Variants in ALK observed in about 807,000 individuals in gnomAD.
ALK encodes the protein ALK tyrosine kinase receptor.
ALK carries 74 observed loss-of-function variants against 163.1 expected under a neutral mutation model. The observed-to-expected ratio is 0.45, with a 90% CI of 0.38 to 0.55. ALK has a LOEUF of 0.55. Ranked by LOEUF, ALK falls within the 20% of genes least tolerant of loss-of-function variation. The pLI is 0.00. For missense variants in ALK, 2,063 were observed against 2,105.3 expected (o/e 0.98, Z 0.39); for synonymous variants, 960 against 843.2 (o/e 1.14, Z -2.40).
chr2:29,293,334 G>T (rs564066234), intron 9 of ALK, among the ~76,000 whole-genome samples: 21 of 152,104 alleles, frequency 1.4e-4, no homozygotes, highest in Non-Finnish European at 3.1e-4. Flanking sequence ...ATATTTATTG[G>T]GCATACTACA....
chr2:29,194,067 G>T, intron 28 of ALK, 145 bp from the exon 29 acceptor site: 1 of 791,904 alleles, frequency 1.3e-6, no homozygotes, highest in Non-Finnish European at 2.1e-6. Context: ...TACAGGCACT[G>T]GGGCATACAA....
At chr2:29,657,829 C>A (rs916933025) in intron 3 of ALK, among the ~76,000 whole-genome samples, 1 of 152,084 alleles carries the variant, frequency 6.6e-6, no homozygotes, top group African/African-American at 2.4e-5. Flanking sequence ...ACAAAGGAAG[C>A]ATTCAGCCCC....
At chr2:29,689,401 C>T (rs1678330401) in intron 3 of ALK, among the ~76,000 whole-genome samples, 1 of 152,198 alleles carries the variant, frequency 6.6e-6, no homozygotes, top group Non-Finnish European at 1.5e-5. Flanking sequence ...AAAGGTGACT[C>T]AGGTCCCTGC....
chr2:29,253,982 C>T (rs888536336), intron 11 of ALK, among the ~76,000 whole-genome samples: 19 of 152,122 alleles, frequency 1.2e-4, no homozygotes, highest in Non-Finnish European at 2.5e-4. Context: ...TGGGAGGGAC[C>T]AGATGGAGAT....
At chr2:29,206,286 CCCTCTCTCTCCCCCTCTCTT>C in intron 26 of ALK, among the ~76,000 whole-genome samples, 1 of 150,336 alleles carries the variant, frequency 6.7e-6, no homozygotes. Context: ...TTCCCTCCCT[CCCTCTCTCTCCCCCTCTCTT>C]GCTTGCCCAG....
At chr2:29,811,234 TCC>T (rs35113318) in intron 1 of ALK, among the ~76,000 whole-genome samples, 105,406 of 151,406 alleles carry the variant, frequency 0.7, 36,895 homozygotes, top group South Asian at 0.78. Flanking sequence ...ACATTCTGAC[TCC>T]CCCCCTTTGA....
At chr2:29,201,642 C>T (rs923105695) in intron 26 of ALK, among the ~76,000 whole-genome samples, 3 of 152,070 alleles carry the variant, frequency 2.0e-5, no homozygotes, top group Non-Finnish European at 4.4e-5. Context: ...CAAAAATTAG[C>T]TGGGTGTGGT....
At chr2:29,609,089 A>G (rs1371747301) in intron 3 of ALK, among the ~76,000 whole-genome samples, 7 of 151,930 alleles carry the variant, frequency 4.6e-5, no homozygotes, top group Admixed American at 3.9e-4. Flanking sequence ...ATGCCTGGCT[A>G]AGTTTTGTAT....
In ALK at chr2:29,232,565, C is replaced by A. The variant is rs139542513; in HGVS notation, c.2488-117G>T. On this transcript the variant is annotated intron_variant, in intron 14 of 28. Coordinates refer to ENST00000389048, the MANE Select transcript of ALK (RefSeq NM_004304.5). ...TTGCTGTTTTGGGGTGACCTGGTGA[C>A]CTCTCAGTGGTCTGAGGTGGTTTGC... 6 of 1,404,400 alleles carry A rather than the reference C, an allele frequency of 4.3e-6. 1 individual carries two copies. The highest frequency in any genetic ancestry group is 5.9e-6 in the Non-Finnish European group (6 of 1,017,630). 87.0% of individuals were successfully genotyped at this position (1,404,400 alleles called of 1,614,324 possible). A position where few individuals can be genotyped will look rare whatever the true frequency, so the allele number is the denominator to read the frequency against.
rs772615782 is a variant in ALK, at chr2:29,320,772, C to G, written c.1525G>C (p.Ala509Pro). The G allele has an allele frequency of 1.9e-6, 3 of 1,613,990 alleles. No homozygotes were observed. In the South Asian group the frequency reaches 3.3e-5, roughly 18 times the overall value. Residue 509 changes from alanine (A) to proline (P), a missense_variant, in exon 7 of 29, where the codon GCC becomes CCC. By Grantham distance (27) the Ala-to-Pro change is conservative. This residue lies in a region of ALK where 987 missense variants were observed against 939.5 expected (regional missense o/e 1.05). Transcript: ENST00000389048. ...PQWQVRTLKD[A>P]RFQDHQDHAL... ...GTACCTTGGTGGTCCTGGAACCGGG[C>G]ATCCTTTAGGGTCCTGACCTGCCAT...
rs532567181 is a variant in ALK, at chr2:29,737,071, AGTAAAAGC to A, written c.668-19382_668-19375del. ...GCATCCTTAAAATAAAATCTTATCCAGTAAAAGCGTTTTGTAGAAATTTATGTGTTGAT... is the reference window on the plus strand; with the variant it reads ...GCATCCTTAAAATAAAATCTTATCCAGTTTTGTAGAAATTTATGTGTTGAT... On this transcript the variant is annotated intron_variant, in intron 1 of 28. Coordinates refer to ENST00000389048, the MANE Select transcript of ALK (RefSeq NM_004304.5). Among the ~76,000 whole-genome samples the A allele has an allele frequency of 3.2e-3, 485 of 152,256 alleles. 1 individual carries two copies. In the Middle Eastern group the frequency reaches 0.034, roughly 11 times the overall value.
At chr2:29,886,605 A>G (rs552654001) in intron 1 of ALK, among the ~76,000 whole-genome samples, 1 of 152,374 alleles carries the variant, frequency 6.6e-6, no homozygotes, top group African/African-American at 2.4e-5. Flanking sequence ...CTACCTTGTC[A>G]GGACTGTGGT....
At chr2:29,854,171 C>T (rs539672733) in intron 1 of ALK, among the ~76,000 whole-genome samples, 14 of 151,364 alleles carry the variant, frequency 9.2e-5, no homozygotes, top group Non-Finnish European at 1.5e-4. Flanking sequence ...AGGAGGCCTT[C>T]GCTATCACAC....
At chr2:29,709,794 T>C (rs1355911376) in intron 2 of ALK, among the ~76,000 whole-genome samples, 2 of 152,200 alleles carry the variant, frequency 1.3e-5, no homozygotes, top group African/African-American at 4.8e-5. Flanking sequence ...CCATGTCATG[T>C]CTGCTAAAAA....
At chr2:29,285,267 C>CT (rs11431701) in intron 9 of ALK, among the ~76,000 whole-genome samples, 112,123 of 151,846 alleles carry the variant, frequency 0.74, 43,336 homozygotes, top group East Asian at 0.85. Flanking sequence ...ATTTTTTCTT[C>CT]TTTTTTGAGA....
intron 1 of ALK, among the ~76,000 whole-genome samples, chr2:29,917,466 C>A (rs796948229): frequency 1.7e-4 from 26 of 152,326 alleles, no homozygotes; most frequent in African/African-American, 5.5e-4. Flanking sequence ...AGTGTCAGAA[C>A]CTAACCTTGA....
intron 12 of ALK, 84 bp downstream of exon 12, chr2:29,251,021 C>T (rs1435665796): frequency 2.1e-6 from 3 of 1,452,160 alleles, no homozygotes; most frequent in Non-Finnish European, 2.8e-6. Context: ...CCTGGGCACC[C>T]CAGGAACATG....
intron 1 of ALK, among the ~76,000 whole-genome samples, chr2:29,876,909 C>T (rs1666738889): frequency 6.6e-6 from 1 of 152,156 alleles, no homozygotes; most frequent in African/African-American, 2.4e-5. Flanking sequence ...AGCTCTCAGG[C>T]CCTGTCCCAC....
At chr2:29,765,781 G>A (rs1680845707) in intron 1 of ALK, among the ~76,000 whole-genome samples, 1 of 152,048 alleles carries the variant, frequency 6.6e-6, no homozygotes, top group Admixed American at 6.6e-5. Flanking sequence ...TGGTGGGCTG[G>A]GAGATGTTTA....
Sources: gnomAD v4.1 joint callset for allele counts (sites outside exome capture counted in the v4.1 genomes callset) on GRCh38, gnomAD v4.1.1 for gene constraint, gnomAD v4.1.1 regional missense constraint, MANE v1.5 for transcripts, NCBI Gene and HGNC (gene_info 2026-07-23, HGNC 2026-07-21) for gene names.